Variants in ZNF804B observed in about 807,000 individuals in gnomAD.
ZNF804B encodes zinc finger protein 804B, also known as zinc finger 804B.
Under a neutral mutation model 101.4 loss-of-function variants are expected in ZNF804B, and 80 were observed. The ratio of observed to expected loss-of-function variants is 0.79; its 90% CI spans 0.66 to 0.95. ZNF804B has a LOEUF of 0.95. Ranked by LOEUF, ZNF804B falls within the 40% of genes least tolerant of loss-of-function variation. The pLI is 0.00. For missense variants in ZNF804B, 1,673 were observed against 1,561.9 expected, an observed-to-expected ratio of 1.07 and a Z score of -1.20; for synonymous variants, 622 against 558.8, an observed-to-expected ratio of 1.11 and a Z score of -1.59.
intron 1 of ZNF804B, among the ~76,000 whole-genome samples, chr7:89,108,523 A>C (rs1790169001): frequency 6.6e-6 from 1 of 152,158 alleles, no homozygotes; most frequent in Admixed American, 6.6e-5. Context: ...TTCTAGAATG[A>C]TTTCACTCTC....
chr7:89,020,456 T>C (rs192305478), intron 1 of ZNF804B, among the ~76,000 whole-genome samples: 1 of 152,156 alleles, frequency 6.6e-6, no homozygotes, highest in African/African-American at 2.4e-5. Context: ...TTCTTATATG[T>C]GATTTGATGC....
chr7:89,087,222 A>G (rs981702676), intron 1 of ZNF804B, among the ~76,000 whole-genome samples: 3 of 151,938 alleles, frequency 2.0e-5, no homozygotes, highest in Admixed American at 2.0e-4. Context: ...CATAAGTATG[A>G]AAATAAGTAA....
chr7:88,841,964 A>AAGATTATTTTATTAGTCCAGAT, intron 1 of ZNF804B, among the ~76,000 whole-genome samples: 1 of 152,340 alleles, frequency 6.6e-6, no homozygotes, highest in East Asian at 1.9e-4. Context: ...GCTAACATGT[A>AAGATTATTTTATTAGTCCAGAT]AGATTATTTT....
At chr7:89,014,296 G>T (rs1788506989) in intron 1 of ZNF804B, among the ~76,000 whole-genome samples, 1 of 151,974 alleles carries the variant, frequency 6.6e-6, no homozygotes, top group Non-Finnish European at 1.5e-5. Flanking sequence ...TTTCCCTGAT[G>T]ATTAGTGATT....
chr7:89,073,041 A>T (rs1226410067), intron 1 of ZNF804B, among the ~76,000 whole-genome samples: 1 of 152,170 alleles, frequency 6.6e-6, no homozygotes, highest in African/African-American at 2.4e-5. Context: ...CTGTTGACCC[A>T]TTATTAACAA....
At chr7:89,103,018 CTCTAT>C (rs984137473) in intron 1 of ZNF804B, among the ~76,000 whole-genome samples, 6 of 60,398 alleles carry the variant, frequency 9.9e-5, no homozygotes, top group Non-Finnish European at 1.7e-4. Context: ...TTTCTGGGTT[CTCTAT>C]TCTATTCCAT....
intron 1 of ZNF804B, among the ~76,000 whole-genome samples, chr7:88,975,906 G>A (rs1234662894): frequency 6.6e-6 from 1 of 151,436 alleles, no homozygotes; most frequent in Admixed American, 6.6e-5. Context: ...TTAATAGTTT[G>A]GGATCTCAGA....
intron 2 of ZNF804B, among the ~76,000 whole-genome samples, chr7:89,268,022 G>A (rs1214988378): frequency 6.6e-6 from 1 of 151,864 alleles, no homozygotes; most frequent in African/African-American, 2.4e-5. Context: ...TAATCTAAAG[G>A]CTGCCCACAT....
intron 1 of ZNF804B, among the ~76,000 whole-genome samples, chr7:88,868,661 C>A (rs1195831601): frequency 1.3e-5 from 2 of 152,192 alleles, no homozygotes. Context: ...GGACCCAAGA[C>A]CTTTTTATTC....
intron 1 of ZNF804B, among the ~76,000 whole-genome samples, chr7:88,923,890 ATAAT>A (rs1388148576): frequency 6.6e-6 from 1 of 152,134 alleles, no homozygotes; most frequent in African/African-American, 2.4e-5. Flanking sequence ...GTCAATAGAA[ATAAT>A]TAAAATATTA....
At chr7:89,193,308 T>G (rs1267272071) in intron 1 of ZNF804B, among the ~76,000 whole-genome samples, 3 of 149,116 alleles carry the variant, frequency 2.0e-5, no homozygotes, top group Admixed American at 6.6e-5. Context: ...CTATCTTTAT[T>G]TTTTTTTATT....
At chr7:89,197,890 C>A (rs1009593073) in intron 1 of ZNF804B, among the ~76,000 whole-genome samples, 1 of 151,670 alleles carries the variant, frequency 6.6e-6, no homozygotes, top group Admixed American at 6.6e-5. Context: ...ATAAATTATT[C>A]TTCAATTGAG....
chr7:89,177,287 C>G (rs913579663), intron 1 of ZNF804B, among the ~76,000 whole-genome samples: 2 of 152,170 alleles, frequency 1.3e-5, no homozygotes, highest in African/African-American at 2.4e-5. Flanking sequence ...ACTACCTTAG[C>G]TGTATCTCAC....
chr7:88,762,474 T>A (rs2519939), intron 1 of ZNF804B, among the ~76,000 whole-genome samples: 4 of 152,104 alleles, frequency 2.6e-5, no homozygotes, highest in African/African-American at 9.6e-5. Context: ...ACTTGAAAAC[T>A]TTCCTAATCT....
intron 2 of ZNF804B, among the ~76,000 whole-genome samples, chr7:89,249,029 TAAA>T (rs58553222): frequency 1.1e-4 from 13 of 119,214 alleles, no homozygotes; most frequent in Middle Eastern, 8.8e-3. Context: ...CCAATAACAG[TAAA>T]AAAAAAAAAA....
intron 1 of ZNF804B, among the ~76,000 whole-genome samples, chr7:88,768,174 C>T (rs770446508): frequency 1.3e-5 from 2 of 152,184 alleles, no homozygotes; most frequent in Admixed American, 6.5e-5. Context: ...CCCACTGATA[C>T]ATTTGACAAT....
At position 89,123,171 on chromosome 7, in the gene ZNF804B, T is replaced by C. The variant is rs1460464571; in HGVS notation, c.109-94984T>C. ...ACCAAGTTCAGCTTTTTTTTTTTTT[T>C]AATGTAGAGATCACTAAGCAAATAT... On this transcript the variant is annotated intron_variant, in intron 1 of 3. Transcript: ENST00000333190. Among the ~76,000 whole-genome samples the C allele has an allele frequency of 2.9e-5, 4 of 140,072 alleles. No individual in the cohort carries two copies. In the East Asian group the frequency reaches 8.6e-4, roughly 30 times the overall value. The allele number at this position is 140,072 out of a possible 152,430, so 91.9% of individuals were successfully genotyped here.
chr7:88,896,813 A>T (rs1792291424), intron 1 of ZNF804B, among the ~76,000 whole-genome samples: 1 of 152,240 alleles, frequency 6.6e-6, no homozygotes, highest in South Asian at 2.1e-4. Context: ...AAAGATAGAA[A>T]GGTTGTCTTT....
At chr7:89,094,364 A>G (rs991911595) in intron 1 of ZNF804B, among the ~76,000 whole-genome samples, 1 of 152,162 alleles carries the variant, frequency 6.6e-6, no homozygotes, top group African/African-American at 2.4e-5. Flanking sequence ...TCTTTAAAAT[A>G]TGCCATATCA....
Sources: gnomAD v4.1 joint callset for allele counts (sites outside exome capture counted in the v4.1 genomes callset) on GRCh38, gnomAD v4.1.1 for gene constraint, MANE v1.5 for transcripts, NCBI Gene and HGNC (gene_info 2026-07-23, HGNC 2026-07-21) for gene names.